Variants in FBXO11 observed in about 807,000 individuals in gnomAD.
FBXO11 encodes the protein F-box only protein 11.
FBXO11 carries 13 observed loss-of-function variants against 117.0 expected under a neutral mutation model. The observed-to-expected ratio is 0.11, with a 90% CI of 0.07 to 0.18. FBXO11 has a LOEUF of 0.18. Ranked by LOEUF, FBXO11 falls within the 10% of genes least tolerant of loss-of-function variation. FBXO11 has a pLI of 1.00. For missense variants in FBXO11, 767 were observed against 1,164.4 expected (o/e 0.66, Z 4.97); for synonymous variants, 490 against 380.5 (o/e 1.29, Z -3.35).
At chr2:47,895,345 CAA>C (rs1387333331) in intron 1 of FBXO11, among the ~76,000 whole-genome samples, 3 of 152,118 alleles carry the variant, frequency 2.0e-5, no homozygotes, top group African/African-American at 7.2e-5. Flanking sequence ...ACTAATGCTA[CAA>C]GCAGCAATAT....
At chr2:47,837,048 A>AT (rs756586881) in intron 4 of FBXO11, 2 of 237,326 alleles carry the variant, frequency 8.4e-6, no homozygotes, top group Non-Finnish European at 1.7e-5. Flanking sequence ...TAAAAAGATA[A>AT]TTTTCAGTAA....
intron 1 of FBXO11, among the ~76,000 whole-genome samples, chr2:47,892,065 G>A (rs919074034): frequency 1.3e-5 from 2 of 152,062 alleles, no homozygotes; most frequent in South Asian, 2.1e-4. Flanking sequence ...CATTTCATAG[G>A]ATGCCCTTTC....
Position 47,900,623 on chromosome 2 carries a change from CGTATACACACACGT to C in FBXO11, c.232+4852_232+4865del, listed in dbSNP as rs1323256653. ...ACACGTATACACACGTATATACACA[CGTATACACACACGT>C]ACGTATATACACACGTATACACACA... On this transcript the variant is annotated intron_variant, in intron 1 of 22. Coordinates refer to ENST00000403359, the MANE Select transcript of FBXO11 (RefSeq NM_001190274.2). 1.3e-4 allele frequency among the ~76,000 whole-genome samples: 7 copies of C among 53,982 alleles called. No individual in the cohort carries two copies. The East Asian group carries it at 9.4e-3, about 72-fold the overall frequency. The allele number at this position is 53,982 out of a possible 152,430, so 35.4% of individuals were successfully genotyped here.
intron 1 of FBXO11, among the ~76,000 whole-genome samples, chr2:47,869,828 G>C (rs1675490727): frequency 6.6e-6 from 1 of 152,196 alleles, no homozygotes; most frequent in African/African-American, 2.4e-5. Context: ...TTAGGTGGAA[G>C]TATGACCTGG....
At chr2:47,888,958 A>G (rs1225382196) in intron 1 of FBXO11, among the ~76,000 whole-genome samples, 1 of 152,234 alleles carries the variant, frequency 6.6e-6, no homozygotes, top group Non-Finnish European at 1.5e-5. Context: ...ATCTATGAAC[A>G]TATTTAATAT....
intron 12 of FBXO11, among the ~76,000 whole-genome samples, 186 bp from the exon 13 acceptor site, chr2:47,822,489 A>C (rs895011263): frequency 1.3e-5 from 2 of 152,250 alleles, no homozygotes; most frequent in Admixed American, 1.3e-4. Flanking sequence ...GAACATATGT[A>C]GCATTCTTAA....
chr2:47,842,467 T>A (rs1389396691), intron 1 of FBXO11, among the ~76,000 whole-genome samples: 2 of 152,218 alleles, frequency 1.3e-5, no homozygotes, highest in African/African-American at 4.8e-5. Context: ...TCTACCTAGC[T>A]ATATTTCATA....
intron 1 of FBXO11, among the ~76,000 whole-genome samples, chr2:47,888,234 G>A (rs1478528307): frequency 6.6e-6 from 1 of 152,086 alleles, no homozygotes; most frequent in Non-Finnish European, 1.5e-5. Flanking sequence ...TGACTAGAAT[G>A]ATGATACAAT....
At chr2:47,824,045 CTAA>C (rs1035247603) in intron 11 of FBXO11, among the ~76,000 whole-genome samples, 4 of 152,068 alleles carry the variant, frequency 2.6e-5, no homozygotes, top group African/African-American at 7.2e-5. Flanking sequence ...TATACATCCT[CTAA>C]TAAGTCCAAG....
chr2:47,843,253 A>G (rs1395278092), intron 1 of FBXO11, among the ~76,000 whole-genome samples: 1 of 152,216 alleles, frequency 6.6e-6, no homozygotes, highest in Non-Finnish European at 1.5e-5. Flanking sequence ...TGAAAGGAAC[A>G]TCAACACTAA....
At chr2:47,895,700 T>TC (rs1677606132) in intron 1 of FBXO11, among the ~76,000 whole-genome samples, 1 of 152,142 alleles carries the variant, frequency 6.6e-6, no homozygotes, top group Non-Finnish European at 1.5e-5. Flanking sequence ...TTTATGTTGT[T>TC]GTTTTTTTTT....
chr2:47,814,766 G>A (rs1249312648), intron 16 of FBXO11, among the ~76,000 whole-genome samples: 2 of 152,168 alleles, frequency 1.3e-5, no homozygotes, highest in African/African-American at 4.8e-5. Context: ...AGCATGCAAT[G>A]TTGTTATAGC....
intron 1 of FBXO11, among the ~76,000 whole-genome samples, chr2:47,861,902 GTTAAGT>G (rs1674805382): frequency 6.7e-6 from 1 of 149,240 alleles, no homozygotes; most frequent in Non-Finnish European, 1.5e-5. Context: ...GTCATGTAAG[GTTAAGT>G]TTTTTTTTTT....
intron 1 of FBXO11, among the ~76,000 whole-genome samples, chr2:47,862,130 A>G (rs1674825280): frequency 6.6e-6 from 1 of 152,070 alleles, no homozygotes; most frequent in Non-Finnish European, 1.5e-5. Flanking sequence ...CATGTTGGCC[A>G]GGCTGGTCTC....
chr2:47,845,150 A>G (rs1269190776), intron 1 of FBXO11, among the ~76,000 whole-genome samples: 2 of 63,466 alleles, frequency 3.2e-5, no homozygotes, highest in Non-Finnish European at 6.9e-5. Flanking sequence ...ACACCCACCC[A>G]CCCCACCCTG....
At chr2:47,883,267 G>A (rs1676569612) in intron 1 of FBXO11, among the ~76,000 whole-genome samples, 1 of 152,112 alleles carries the variant, frequency 6.6e-6, no homozygotes, top group Non-Finnish European at 1.5e-5. Flanking sequence ...AGATTCCTGG[G>A]AGTGGGAAAG....
At chr2:47,879,426 T>C (rs1418005591) in intron 1 of FBXO11, among the ~76,000 whole-genome samples, 2 of 152,142 alleles carry the variant, frequency 1.3e-5, no homozygotes, top group Non-Finnish European at 2.9e-5. Context: ...ACCAATGGAG[T>C]ATGCTGCCCA....
At chr2:47,830,669 A>T (rs932493455) in intron 11 of FBXO11, among the ~76,000 whole-genome samples, 4 of 152,218 alleles carry the variant, frequency 2.6e-5, no homozygotes, top group African/African-American at 7.2e-5. Flanking sequence ...ACTTATTTTT[A>T]AAAATGCTGT....
chr2:47,813,984 C>A (rs1572766417), intron 16 of FBXO11, 117 bp from the exon 17 acceptor site: 4 of 732,846 alleles, frequency 5.5e-6, no homozygotes, highest in Non-Finnish European at 9.3e-6. Context: ...ATTAACTATA[C>A]AATGGAGTCC....
Sources: gnomAD v4.1 joint callset for allele counts (sites outside exome capture counted in the v4.1 genomes callset) on GRCh38, gnomAD v4.1.1 for gene constraint, MANE v1.5 for transcripts, NCBI Gene and HGNC (gene_info 2026-07-23, HGNC 2026-07-21) for gene names.